The following RREB1 variants were observed in gnomAD, a reference collection of about 807,000 sequenced individuals.
RREB1 encodes ras responsive element binding protein 1.
RREB1 carries 27 observed loss-of-function variants against 117.8 expected under a neutral mutation model. That is an observed-to-expected ratio of 0.23 (90% CI 0.17 to 0.32). RREB1 has a LOEUF of 0.32. Ranked by LOEUF, RREB1 falls within the 10% of genes least tolerant of loss-of-function variation. RREB1 has a pLI of 1.00. For missense variants in RREB1, 2,577 were observed against 2,378.2 expected (o/e 1.08, Z -1.74); for synonymous variants, 1,298 against 1,026.7 (o/e 1.26, Z -5.05).
intron 8 of RREB1, among the ~76,000 whole-genome samples, chr6:7,225,447 C>G (rs1393230978): frequency 6.6e-6 from 1 of 152,056 alleles, no homozygotes; most frequent in Non-Finnish European, 1.5e-5. Context: ...GTTGATAATA[C>G]CATAACGATG....
At chr6:7,197,033 C>G (rs1765710111) in intron 6 of RREB1, among the ~76,000 whole-genome samples, 1 of 152,174 alleles carries the variant, frequency 6.6e-6, no homozygotes, top group South Asian at 2.1e-4. Context: ...ACTTGGGAAA[C>G]TGAGCCAGAG....
intron 2 of RREB1, among the ~76,000 whole-genome samples, chr6:7,177,218 CA>C (rs552706086): frequency 0.089 from 3,098 of 34,926 alleles, 18 homozygotes; most frequent in African/African-American, 0.16. Flanking sequence ...GACTGTCTCA[CA>C]AAAAAAAAAA....
intron 4 of RREB1, 81 bp from the exon 5 acceptor site, chr6:7,187,353 T>G: frequency 1.2e-6 from 1 of 836,460 alleles, no homozygotes; most frequent in Non-Finnish European, 2.0e-6. Flanking sequence ...ACACAAGTGC[T>G]TATTACACTT....
At chr6:7,180,162 T>C (rs994758746) in intron 2 of RREB1, among the ~76,000 whole-genome samples, 1 of 152,222 alleles carries the variant, frequency 6.6e-6, no homozygotes, top group Non-Finnish European at 1.5e-5. Context: ...ACCATTTGAT[T>C]CACATCTTCA....
chr6:7,142,701 C>G (rs1025117590), intron 1 of RREB1, among the ~76,000 whole-genome samples: 1 of 152,232 alleles, frequency 6.6e-6, no homozygotes, highest in African/African-American at 2.4e-5. Context: ...TGACTTCTGC[C>G]CCAAGGCCGG....
intron 6 of RREB1, among the ~76,000 whole-genome samples, chr6:7,193,408 T>C (rs1467037274): frequency 6.6e-6 from 1 of 152,226 alleles, no homozygotes; most frequent in Admixed American, 6.5e-5. Flanking sequence ...TATTTTTATG[T>C]ACTCTGCCTT....
intron 6 of RREB1, among the ~76,000 whole-genome samples, chr6:7,209,432 G>A (rs1327077908): frequency 1.3e-5 from 2 of 152,144 alleles, no homozygotes; most frequent in African/African-American, 4.8e-5. Context: ...TTGAGGGATG[G>A]TGTCCTCAAA....
At chr6:7,117,181 A>G (rs1321145637) in intron 1 of RREB1, among the ~76,000 whole-genome samples, 2 of 152,132 alleles carry the variant, frequency 1.3e-5, no homozygotes, top group African/African-American at 4.8e-5. Flanking sequence ...TCATATTTAT[A>G]AAAATAATCA....
intron 1 of RREB1, among the ~76,000 whole-genome samples, chr6:7,112,491 A>G (rs1469671644): frequency 6.6e-6 from 1 of 152,144 alleles, no homozygotes; most frequent in Non-Finnish European, 1.5e-5. Flanking sequence ...TGATTTAGAC[A>G]GTGATTTTTG....
chr6:7,121,610 T>G (rs1479849365), intron 1 of RREB1, among the ~76,000 whole-genome samples: 1 of 152,036 alleles, frequency 6.6e-6, no homozygotes, highest in Admixed American at 6.5e-5. Flanking sequence ...CTCCTTTGGG[T>G]GCCAAAGGAG....
Position 7,246,879 on chromosome 6 carries a change from G to C in RREB1, c.4429G>C (p.Asp1477His), listed in dbSNP as rs1324351519. The change falls in exon 12 of 13, where the codon GAC becomes CAC. Residue 1477 changes from aspartate to histidine, a missense_variant. Asp to His is a moderately conservative substitution (Grantham distance 81). Coordinates refer to ENST00000379938, the MANE Select transcript of RREB1 (RefSeq NM_001003699.4). ...GGCGCACGGCCGCCAGGAGCCCAAG[G>C]ACGAGAAGGGAGATGGCGCCAGCAC... ...RKAHGRQEPK[D>H]EKGDGASTAE... 2 of 1,552,582 alleles carry C rather than the reference G, an allele frequency of 1.3e-6. No homozygotes were observed. Among genetic ancestry groups the C allele is most frequent in the African/African-American group, 2.7e-5 (2 of 73,204 alleles).
chr6:7,244,977 AATCT>A (rs1768918489), intron 11 of RREB1, among the ~76,000 whole-genome samples: 2 of 152,232 alleles, frequency 1.3e-5, no homozygotes, highest in Non-Finnish European at 2.9e-5. Context: ...TAGGTGCGTG[AATCT>A]GCTGGCTCAA....
In RREB1 at chr6:7,126,189, G is replaced by A. The variant is rs193141229; in HGVS notation, c.-285+18129G>A. On this transcript the variant is annotated intron_variant, in intron 1 of 12. Coordinates refer to ENST00000379938, the MANE Select transcript of RREB1 (RefSeq NM_001003699.4). ...GCTAATTTTTGTATTTTTAGTAGAG[G>A]CTGGGTTTCACTATGTTGGTCAGGC... 4.8e-3 allele frequency among the ~76,000 whole-genome samples: 729 copies of A among 152,012 alleles called. 8 individuals are homozygous for A. The highest frequency in any genetic ancestry group is 0.016 in the African/African-American group (677 of 41,432).
At position 7,187,540 on chromosome 6, in the gene RREB1, C is replaced by CTTA. The variant is rs750125306; in HGVS notation, c.261+19_261+20insATT. ...ATTCGCCAGGTAGATTCCCACTGTT[C>CTTA]TTTTATTTTATTTTATTTTATTTTA... On this transcript the variant is annotated intron_variant, in intron 5 of 12. Coordinates refer to ENST00000379938, the MANE Select transcript of RREB1 (RefSeq NM_001003699.4). The CTTA allele has an allele frequency of 5.9e-6, 5 of 847,768 alleles. No individual in the cohort carries two copies. Among genetic ancestry groups the CTTA allele is most frequent in the African/African-American group, 5.6e-5 (3 of 54,038 alleles). 52.5% of individuals were successfully genotyped at this position (847,768 alleles called of 1,614,324 possible). A position where few individuals can be genotyped will look rare whatever the true frequency, so the allele number is the denominator to read the frequency against.
intron 6 of RREB1, among the ~76,000 whole-genome samples, chr6:7,205,880 G>C (rs555340797): frequency 6.6e-6 from 1 of 152,302 alleles, no homozygotes; most frequent in Non-Finnish European, 1.5e-5. Flanking sequence ...TTGAAAATCA[G>C]CATCTACTCC....
intron 1 of RREB1, among the ~76,000 whole-genome samples, chr6:7,119,376 A>G (rs1390639243): frequency 6.6e-6 from 1 of 152,170 alleles, no homozygotes; most frequent in African/African-American, 2.4e-5. Context: ...ACACGTGTTC[A>G]GCAACTAAGA....
intron 1 of RREB1, among the ~76,000 whole-genome samples, chr6:7,156,528 C>T (rs866439504): frequency 2.0e-5 from 3 of 152,196 alleles, no homozygotes; most frequent in African/African-American, 7.2e-5. Flanking sequence ...CACTGAGCCA[C>T]ATCTGGGTTA....
intron 11 of RREB1, among the ~76,000 whole-genome samples, chr6:7,242,034 C>G (rs1768736605): frequency 6.6e-6 from 1 of 152,226 alleles, no homozygotes; most frequent in Non-Finnish European, 1.5e-5. Flanking sequence ...GCCACATTAC[C>G]TGTTAGTCTG....
chr6:7,215,282 G>C (rs932443770), intron 8 of RREB1: 1 of 152,238 alleles, frequency 6.6e-6, no homozygotes, highest in Non-Finnish European at 1.5e-5. Flanking sequence ...GGTCAGCCCG[G>C]CCAGCAAGAG....
Sources: gnomAD v4.1 joint callset for allele counts (sites outside exome capture counted in the v4.1 genomes callset) on GRCh38, gnomAD v4.1.1 for gene constraint, MANE v1.5 for transcripts, NCBI Gene and HGNC (gene_info 2026-07-23, HGNC 2026-07-21) for gene names.